Variants in STK10 observed in about 807,000 individuals in gnomAD.
STK10 encodes serine/threonine kinase 10, also known as serine/threonine-protein kinase 10.
Under a neutral mutation model 113.8 loss-of-function variants are expected in STK10, and 78 were observed. That is an observed-to-expected ratio of 0.69 (90% confidence interval 0.57 to 0.83). The LOEUF (loss-of-function observed/expected upper bound fraction) is 0.83. STK10 is among the 40% of genes least tolerant of loss of function. The pLI, the probability that STK10 is intolerant of heterozygous loss-of-function variation, is 0.00. For synonymous variants in STK10, 465 were observed against 494.7 expected (o/e 0.94, Z 0.80); for missense variants, 1,109 against 1,280.1 (o/e 0.87, Z 2.04).
intron 12 of STK10, among the ~76,000 whole-genome samples, chr5:172,079,304 G>GT (rs1239166539): frequency 6.6e-6 from 1 of 152,024 alleles, no homozygotes; most frequent in Non-Finnish European, 1.5e-5. Context: ...TGCAGGTGCT[G>GT]TCCCACCCTC....
intron 12 of STK10, among the ~76,000 whole-genome samples, chr5:172,069,254 TAAA>T (rs1331789774): frequency 6.6e-6 from 1 of 151,690 alleles, no homozygotes; most frequent in Non-Finnish European, 1.5e-5. Flanking sequence ...CAGATGGGAT[TAAA>T]AAAAATGAAA....
At chr5:172,083,191 C>CA (rs1581146482) in intron 10 of STK10, 107 bp from the exon 11 acceptor site, 2 of 1,476,900 alleles carry the variant, frequency 1.4e-6, no homozygotes, top group African/African-American at 2.8e-5. Flanking sequence ...CAAAATCACA[C>CA]AAGTCTGGGG....
chr5:172,153,896 G>C (rs184968786), intron 2 of STK10, among the ~76,000 whole-genome samples: 4 of 152,268 alleles, frequency 2.6e-5, no homozygotes, highest in South Asian at 4.1e-4. Context: ...GCAAGACCCC[G>C]TTCAAATGTC....
intron 2 of STK10, among the ~76,000 whole-genome samples, chr5:172,137,724 C>CAAA (rs34773105): frequency 6.6e-5 from 6 of 91,036 alleles, no homozygotes; most frequent in African/African-American, 2.3e-4. Context: ...ACTAAAAATA[C>CAAA]AAAAAAAAAA....
intron 1 of STK10, among the ~76,000 whole-genome samples, chr5:172,178,433 G>A (rs1441640063): frequency 6.6e-6 from 1 of 152,142 alleles, no homozygotes; most frequent in African/African-American, 2.4e-5. Flanking sequence ...CTGCCTGCTT[G>A]TCCCTGTACA....
At chr5:172,127,626 G>C (rs545805107) in intron 2 of STK10, among the ~76,000 whole-genome samples, 1 of 152,286 alleles carries the variant, frequency 6.6e-6, no homozygotes, top group Non-Finnish European at 1.5e-5. Flanking sequence ...ACCCAGAGGA[G>C]CTTCTTGGCT....
intron 12 of STK10, among the ~76,000 whole-genome samples, chr5:172,068,455 G>T (rs572683605): frequency 4.5e-4 from 69 of 152,238 alleles, no homozygotes; most frequent in Middle Eastern, 6.8e-3. Context: ...CAGGAAGAAA[G>T]GCTACATTGG....
intron 2 of STK10, among the ~76,000 whole-genome samples, chr5:172,148,489 G>A (rs115417608): frequency 3.3e-5 from 5 of 152,304 alleles, no homozygotes; most frequent in Admixed American, 6.5e-5. Context: ...AGCCCAGGCC[G>A]GCTATTCCAA....
At chr5:172,115,017 C>T (rs1873422) in intron 4 of STK10, 53,684 of 152,112 alleles carry the variant, frequency 0.35, 11,494 homozygotes, top group African/African-American at 0.61. Context: ...TGGGCCTGTG[C>T]GATTCTCACA....
intron 18 of STK10, among the ~76,000 whole-genome samples, chr5:172,051,738 G>A (rs778662070): frequency 1.3e-5 from 2 of 152,154 alleles, no homozygotes; most frequent in African/African-American, 2.4e-5. Flanking sequence ...CAAGGCAGGC[G>A]AGGAAGAGAG....
chr5:172,156,145 C>A (rs1487315195), intron 2 of STK10, among the ~76,000 whole-genome samples: 1 of 152,182 alleles, frequency 6.6e-6, no homozygotes, highest in Non-Finnish European at 1.5e-5. Context: ...CTCCATGTAA[C>A]AGCTGTAGCA....
intron 2 of STK10, among the ~76,000 whole-genome samples, chr5:172,149,516 G>GTC (rs1217283142): frequency 4.0e-5 from 6 of 148,312 alleles, no homozygotes; most frequent in African/African-American, 1.5e-4. Context: ...GTGTGTGTGT[G>GTC]TGTGTCTGTG....
chr5:172,109,081 G>A (rs749214354), intron 4 of STK10, among the ~76,000 whole-genome samples: 1 of 152,052 alleles, frequency 6.6e-6, no homozygotes, highest in African/African-American at 2.4e-5. Context: ...CACTGCGCCC[G>A]GCCTTACTGA....
intron 1 of STK10, among the ~76,000 whole-genome samples, chr5:172,174,265 G>A (rs1046938732): frequency 6.6e-6 from 1 of 152,030 alleles, no homozygotes; most frequent in Non-Finnish European, 1.5e-5. Context: ...TCCGCCTTTC[G>A]GGTTCAAGCT....
intron 15 of STK10, among the ~76,000 whole-genome samples, chr5:172,056,771 G>A (rs981516905): frequency 6.6e-6 from 1 of 151,810 alleles, no homozygotes; most frequent in Admixed American, 6.6e-5. Context: ...CTACTCGGGA[G>A]GCTGAGGCAG....
intron 1 of STK10, among the ~76,000 whole-genome samples, chr5:172,169,688 A>C (rs778344360): frequency 2.0e-5 from 3 of 151,884 alleles, no homozygotes; most frequent in African/African-American, 7.3e-5. Context: ...ACTTGAGCCC[A>C]CCCTTGCTGG....
chr5:172,140,826 C>T (rs1769957322), intron 2 of STK10, among the ~76,000 whole-genome samples: 1 of 152,146 alleles, frequency 6.6e-6, no homozygotes. Flanking sequence ...CCATGTTCAT[C>T]GCAGCACTAT....
chr5:172,079,403 A>T (rs1024958753), intron 12 of STK10, among the ~76,000 whole-genome samples: 7 of 152,112 alleles, frequency 4.6e-5, no homozygotes, highest in African/African-American at 1.7e-4. Flanking sequence ...TCTAAAGCAG[A>T]TCTCTCCAGA....
At chr5:172,157,469 T>C (rs1209390137) in intron 1 of STK10, among the ~76,000 whole-genome samples, 2 of 152,050 alleles carry the variant, frequency 1.3e-5, no homozygotes, top group East Asian at 3.9e-4. Flanking sequence ...AGCAGGAGAA[T>C]CGCTTGAACC....
Sources: gnomAD v4.1 joint callset for allele counts (sites outside exome capture counted in the v4.1 genomes callset) on GRCh38, gnomAD v4.1.1 for gene constraint, MANE v1.5 for transcripts, NCBI Gene and HGNC (gene_info 2026-07-23, HGNC 2026-07-21) for gene names.